Variants in EHHADH observed in about 807,000 individuals in gnomAD.
EHHADH encodes the protein enoyl-CoA hydratase and 3-hydroxyacyl CoA dehydrogenase, also known as peroxisomal bifunctional enzyme.
A neutral mutation model predicts 64.4 loss-of-function variants in EHHADH; 48 were observed. That is an observed-to-expected ratio of 0.75 (90% CI 0.59 to 0.95). The LOEUF is 0.95. Among genes scored for constraint, EHHADH ranks in the 40% least tolerant of loss-of-function variants. EHHADH has a pLI of 0.00. For missense variants in EHHADH, 854 were observed against 876.6 expected (o/e 0.97, Z 0.33); for synonymous variants, 308 against 326.7 (o/e 0.94, Z 0.62).
chr3:185,215,452 AC>A (rs1560012478), intron 5 of EHHADH, among the ~76,000 whole-genome samples: 3 of 152,330 alleles, frequency 2.0e-5, no homozygotes, highest in Admixed American at 2.0e-4. Flanking sequence ...TTCTAAAAAA[AC>A]CATAAAAGTA....
At chr3:185,214,438 C>T (rs1315874964) in intron 5 of EHHADH, among the ~76,000 whole-genome samples, 1 of 152,194 alleles carries the variant, frequency 6.6e-6, no homozygotes, top group Non-Finnish European at 1.5e-5. Context: ...GTCCTGAGCC[C>T]ATTTCTCTAA....
intron 6 of EHHADH, among the ~76,000 whole-genome samples, chr3:185,197,304 G>A (rs759578456): frequency 1.1e-4 from 16 of 152,104 alleles, no homozygotes; most frequent in Non-Finnish European, 1.9e-4. Flanking sequence ...TAAAAATTGT[G>A]GCAAAATACA....
chr3:185,194,738 T>C (rs1251187396), intron 6 of EHHADH, among the ~76,000 whole-genome samples: 3 of 134,564 alleles, frequency 2.2e-5, no homozygotes, highest in Non-Finnish European at 3.0e-5. Context: ...AGTTTGAGGA[T>C]TGCAGTGAGC....
At chr3:185,199,520 G>A (rs1718166999) in intron 6 of EHHADH, among the ~76,000 whole-genome samples, 1 of 152,212 alleles carries the variant, frequency 6.6e-6, no homozygotes, top group South Asian at 2.1e-4. Flanking sequence ...AGGTGATGGG[G>A]TAAACTGTGG....
At position 185,235,918 on chromosome 3, in the gene EHHADH, G is replaced by A. The variant is rs144503295; in HGVS notation, c.179-456C>T. On this transcript the variant is annotated intron_variant, in intron 2 of 6. Coordinates refer to ENST00000231887, the MANE Select transcript of EHHADH (RefSeq NM_001966.4). ...CTCCATATCTTTGTTAAGGGCATGAGTCATCACAATATAAAATATCAGGGT... is the reference window on the plus strand; with the variant it reads ...CTCCATATCTTTGTTAAGGGCATGAATCATCACAATATAAAATATCAGGGT... Among the ~76,000 whole-genome samples, 1,128 of 152,164 alleles carry A rather than the reference G, an allele frequency of 7.4e-3. 10 individuals are homozygous for A. Among genetic ancestry groups the A allele is most frequent in the African/African-American group, 0.026 (1,083 of 41,504 alleles).
chr3:185,218,481 C>T (rs1172442316), intron 4 of EHHADH, among the ~76,000 whole-genome samples: 1 of 152,016 alleles, frequency 6.6e-6, no homozygotes, highest in Non-Finnish European at 1.5e-5. Flanking sequence ...AAGAACTGCA[C>T]CAGGACCACA....
intron 4 of EHHADH, among the ~76,000 whole-genome samples, chr3:185,223,186 A>C (rs1718881462): frequency 6.6e-6 from 1 of 151,964 alleles, no homozygotes; most frequent in African/African-American, 2.4e-5. Context: ...CTTCATTTAC[A>C]TTTTATTTAT....
chr3:185,192,852 T>A lies in EHHADH; in HGVS notation c.1546A>T (p.Met516Leu), dbSNP rs762695637. The A allele has an allele frequency of 5.0e-6, 8 of 1,614,168 alleles. No homozygotes were observed. The Admixed American group carries it at 1.3e-4, about 27-fold the overall frequency. The stretch of plus-strand genomic sequence containing the variant: ...AGATCAGACACTCTAAAAGGTCCCA[T>A]TTTAAAACCAAACTCTTCCAGCACC... The part of the protein sequence containing the change: ...DQVLEEFGFK[M>L]GPFRVSDLAG... Residue 516 changes from methionine (M) to leucine (L), a missense_variant, in exon 7 of 7, where the codon ATG becomes TTG. Coordinates refer to ENST00000231887, the MANE Select transcript of EHHADH (RefSeq NM_001966.4).
At chr3:185,229,147 C>A (rs1719084492) in intron 4 of EHHADH, among the ~76,000 whole-genome samples, 1 of 152,164 alleles carries the variant, frequency 6.6e-6, no homozygotes, top group African/African-American at 2.4e-5. Flanking sequence ...TATGTGAACA[C>A]CAGTGTTGAT....
intron 2 of EHHADH, among the ~76,000 whole-genome samples, chr3:185,247,395 T>A (rs1465320720): frequency 1.3e-5 from 2 of 152,126 alleles, no homozygotes; most frequent in Non-Finnish European, 2.9e-5. Flanking sequence ...AACCTTAAAT[T>A]TCCAAACAGT....
intron 2 of EHHADH, chr3:185,245,945 G>A (rs759097227): frequency 3.7e-5 from 55 of 1,480,586 alleles, no homozygotes; most frequent in Non-Finnish European, 4.9e-5. Context: ...TTCTGAGCCT[G>A]CCCAAGCAGG....
chr3:185,211,330 A>G (rs1265461154), intron 5 of EHHADH, among the ~76,000 whole-genome samples: 1 of 152,222 alleles, frequency 6.6e-6, no homozygotes, highest in Non-Finnish European at 1.5e-5. Flanking sequence ...TATACTATTA[A>G]TTGAATTCTT....
chr3:185,245,410 G>T, intron 2 of EHHADH: 1 of 622,478 alleles, frequency 1.6e-6, no homozygotes, highest in Non-Finnish European at 2.6e-6. Flanking sequence ...ATGGCAAACT[G>T]GTTTAGCCAC....
At position 185,216,998 on chromosome 3, in the gene EHHADH, A is replaced by G. The variant is rs533175141; in HGVS notation, c.568+1138T>C. 1.4e-5 allele frequency among the ~76,000 whole-genome samples: 2 copies of G among 144,172 alleles called. No homozygotes were observed. The highest frequency in any genetic ancestry group is 4.0e-4 in the East Asian group (2 of 5,018). 94.6% of individuals were successfully genotyped at this position (144,172 alleles called of 152,430 possible). On this transcript the variant is annotated intron_variant, in intron 5 of 6. Transcript: ENST00000231887. The surrounding 1 kb of genome is among the most constrained non-coding windows in gnomAD (Gnocchi z 5.3). The stretch of plus-strand genomic sequence containing the variant: ...CCATAAAGTAAGAAACCACTGAGAG[A>G]AGGACATAACTCAGTTTGCGGAGAC...
intron 4 of EHHADH, among the ~76,000 whole-genome samples, chr3:185,225,289 C>A (rs1718944086): frequency 6.6e-6 from 1 of 152,154 alleles, no homozygotes; most frequent in Non-Finnish European, 1.5e-5. Flanking sequence ...GCAGAAATCC[C>A]AGTCTTAGTG....
At chr3:185,226,800 A>G (rs1000530105) in intron 4 of EHHADH, 1 of 152,232 alleles carries the variant, frequency 6.6e-6, no homozygotes, top group African/African-American at 2.4e-5. Context: ...GAAACTAGGA[A>G]AAAACTGTAA....
At chr3:185,246,608 T>G (rs1256091883) in intron 2 of EHHADH, among the ~76,000 whole-genome samples, 2 of 152,234 alleles carry the variant, frequency 1.3e-5, no homozygotes, top group African/African-American at 4.8e-5. Flanking sequence ...TGCAATGATA[T>G]CCCTTTCATC....
At chr3:185,246,014 G>T in intron 2 of EHHADH, 1 of 1,388,714 alleles carries the variant, frequency 7.2e-7, no homozygotes, top group South Asian at 1.2e-5. Flanking sequence ...ATCTTCTAGA[G>T]CTTCATCTTT....
intron 3 of EHHADH, among the ~76,000 whole-genome samples, chr3:185,232,892 CT>C (rs1022330921): frequency 5.9e-5 from 9 of 152,156 alleles, no homozygotes; most frequent in African/African-American, 1.2e-4. Flanking sequence ...ACAAAACTAT[CT>C]TTTGAAAATG....
Sources: gnomAD v4.1 joint callset for allele counts (sites outside exome capture counted in the v4.1 genomes callset) on GRCh38, gnomAD v4.1.1 for gene constraint, Gnocchi (gnomAD v3.1) non-coding constraint, MANE v1.5 for transcripts, NCBI Gene and HGNC (gene_info 2026-07-23, HGNC 2026-07-21) for gene names.